SDK1: variants seen among roughly 807,000 people sequenced by gnomAD.
The protein encoded by SDK1 is protein sidekick-1.
A neutral mutation model predicts 245.5 loss-of-function variants in SDK1; 157 were observed. The observed-to-expected ratio is 0.64, with a 90% CI of 0.56 to 0.73. The LOEUF (loss-of-function observed/expected upper bound fraction) is 0.73, where lower values mean the gene tolerates loss of function less well. Among genes scored for constraint, SDK1 ranks in the 30% least tolerant of loss-of-function variants. The probability of loss-of-function intolerance (pLI) is 0.00; values close to 1 mark genes in which losing one functional copy is unlikely to be tolerated. For missense variants in SDK1, 3,583 were observed against 3,002.3 expected, an observed-to-expected ratio of 1.19 and a Z score of -4.52; for synonymous variants, 1,647 against 1,278.5, an observed-to-expected ratio of 1.29 and a Z score of -6.15.
chr7:4,268,527 C>A lies in SDK1; in HGVS notation c.*3143C>A. The stretch of plus-strand genomic sequence containing the variant: ...GAGAGGGGACCCAGATGGCCACACA[C>A]GGAACGCGCCTCCACAGCCCCGGGA... On this transcript the variant is annotated 3_prime_UTR_variant, in exon 45 of 45. Transcript: ENST00000404826. The A allele has an allele frequency of 8.1e-7, 1 of 1,235,598 alleles. No homozygotes were observed. The highest frequency in any genetic ancestry group is 1.0e-6 in the Non-Finnish European group (1 of 956,962). 76.5% of individuals were successfully genotyped at this position (1,235,598 alleles called of 1,614,324 possible).
intron 33 of SDK1, 59 bp downstream of exon 33, chr7:4,174,416 T>TCTG (rs1782057125): frequency 3.3e-6 from 5 of 1,537,720 alleles, no homozygotes; most frequent in Non-Finnish European, 4.5e-6. Context: ...ACCCTTGGTA[T>TCTG]CTGCTCAGTG....
intron 44 of SDK1, among the ~76,000 whole-genome samples, chr7:4,254,081 T>A (rs1196804197): frequency 6.6e-6 from 1 of 152,212 alleles, no homozygotes; most frequent in African/African-American, 2.4e-5. Flanking sequence ...CCTATAGCTG[T>A]ATTTCTTCCT....
intron 4 of SDK1, among the ~76,000 whole-genome samples, chr7:3,743,360 A>T (rs1444816636): frequency 6.6e-6 from 1 of 152,144 alleles, no homozygotes; most frequent in Non-Finnish European, 1.5e-5. Context: ...CAGATTTTTG[A>T]ACCCAAAACA....
At chr7:3,911,177 T>G (rs1455995998) in intron 5 of SDK1, among the ~76,000 whole-genome samples, 2 of 152,216 alleles carry the variant, frequency 1.3e-5, no homozygotes, top group Admixed American at 1.3e-4. Flanking sequence ...AAGGCACATG[T>G]GCTCACATGG....
intron 1 of SDK1, among the ~76,000 whole-genome samples, chr7:3,520,749 A>G (rs190997203): frequency 6.6e-6 from 1 of 152,190 alleles, no homozygotes; most frequent in Non-Finnish European, 1.5e-5. Context: ...TTTTACCAGC[A>G]TTTAAAGAAC....
At chr7:3,423,785 T>A (rs1299446876) in intron 1 of SDK1, among the ~76,000 whole-genome samples, 2 of 152,208 alleles carry the variant, frequency 1.3e-5, no homozygotes, top group Non-Finnish European at 2.9e-5. Context: ...TTGAAAATTA[T>A]AATTCAACCT....
chr7:3,620,501 CCA>C (rs1160109686), intron 2 of SDK1, among the ~76,000 whole-genome samples: 1 of 152,102 alleles, frequency 6.6e-6, no homozygotes. Context: ...TGGGGTTTCA[CCA>C]TGTTGACCAG....
intron 1 of SDK1, among the ~76,000 whole-genome samples, chr7:3,321,823 TCC>T (rs1779819901): frequency 3.2e-5 from 4 of 126,940 alleles, no homozygotes; most frequent in Non-Finnish European, 5.0e-5. Flanking sequence ...CTTCCTTCCT[TCC>T]TTCCTCCTTT....
chr7:3,556,161 A>G (rs1779581311), intron 1 of SDK1, among the ~76,000 whole-genome samples: 1 of 152,218 alleles, frequency 6.6e-6, no homozygotes, highest in Non-Finnish European at 1.5e-5. Context: ...ATTTGTAAGC[A>G]ACCTAAGTGT....
At chr7:4,005,573 A>G (rs1460896962) in intron 14 of SDK1, among the ~76,000 whole-genome samples, 1 of 152,100 alleles carries the variant, frequency 6.6e-6, no homozygotes, top group Admixed American at 6.6e-5. Context: ...AGCAGAAGTT[A>G]TTTAAACTTC....
intron 4 of SDK1, among the ~76,000 whole-genome samples, chr7:3,770,036 G>C (rs1367522416): frequency 6.6e-6 from 1 of 151,762 alleles, no homozygotes; most frequent in African/African-American, 2.4e-5. Flanking sequence ...TCCATTCATG[G>C]AGAATAGGTT....
intron 28 of SDK1, among the ~76,000 whole-genome samples, chr7:4,138,991 G>A (rs1021039823): frequency 6.6e-6 from 1 of 152,150 alleles, no homozygotes. Context: ...TACATTCAAG[G>A]GGTGCCCCCA....
At chr7:4,128,084 C>A (rs1784509452) in intron 26 of SDK1, among the ~76,000 whole-genome samples, 1 of 152,180 alleles carries the variant, frequency 6.6e-6, no homozygotes, top group Admixed American at 6.5e-5. Context: ...TTAAAACCCC[C>A]TTCTGTTCCT....
In SDK1 at chr7:3,479,382, A is replaced by G. The variant is rs139239436; in HGVS notation, c.299-139698A>G. ...GGTTGCAGTGAGCCGATATTGTGCC[A>G]CTGCACTCCAGCCTGGGTGACAGGG... is the stretch of plus-strand genomic sequence containing the variant. On this transcript the variant is annotated intron_variant, in intron 1 of 44. Coordinates refer to ENST00000404826, the MANE Select transcript of SDK1 (RefSeq NM_152744.4). Among the ~76,000 whole-genome samples, 261 of 138,024 alleles carry G rather than the reference A, an allele frequency of 1.9e-3. 6 individuals are homozygous for G. In the East Asian group the frequency reaches 0.037, roughly 20 times the overall value. 90.5% of individuals were successfully genotyped at this position (138,024 alleles called of 152,430 possible).
rs1017129647 is a variant in SDK1 at position 3,471,322 on chromosome 7, A to C, written c.299-147758A>C. Among the ~76,000 whole-genome samples the C allele has an allele frequency of 3.3e-5, 5 of 152,166 alleles. No individual in the cohort carries two copies. In the South Asian group the frequency reaches 6.2e-4, roughly 19 times the overall value. On this transcript the variant is annotated intron_variant, in intron 1 of 44. Transcript: ENST00000404826. ...AATGAGGAGATAAGTATGTAATTTT[A>C]CCATGATATAAAGCTGTGATTGTCA...
chr7:3,587,688 C>T lies in SDK1; in HGVS notation c.299-31392C>T, dbSNP rs183403480. Among the ~76,000 whole-genome samples the T allele has an allele frequency of 4.9e-3, 749 of 152,334 alleles. 6 individuals are homozygous for T. Among genetic ancestry groups the T allele is most frequent in the South Asian group, 0.018 (86 of 4,826 alleles). ...CAGATGCTGATCTTCTCCGGAAATA[C>T]CTTCACAGACACACCCAGGAATGAT... is the stretch of plus-strand genomic sequence containing the variant. On this transcript the variant is annotated intron_variant, in intron 1 of 44. Coordinates refer to ENST00000404826, the MANE Select transcript of SDK1 (RefSeq NM_152744.4).
intron 4 of SDK1, among the ~76,000 whole-genome samples, chr7:3,726,386 C>G (rs1346801525): frequency 6.6e-6 from 1 of 152,218 alleles, no homozygotes; most frequent in Non-Finnish European, 1.5e-5. Flanking sequence ...AAAGCAGTCA[C>G]TCGACTGTAA....
chr7:4,160,866 G>C (rs568531413), intron 31 of SDK1, among the ~76,000 whole-genome samples: 25 of 152,286 alleles, frequency 1.6e-4, no homozygotes, highest in Middle Eastern at 6.8e-3. Context: ...GGCTGAGGAG[G>C]GGGTGTCTGG....
chr7:3,443,975 A>G (rs973557848), intron 1 of SDK1, among the ~76,000 whole-genome samples: 1 of 152,236 alleles, frequency 6.6e-6, no homozygotes, highest in Non-Finnish European at 1.5e-5. Flanking sequence ...ATTTATTTCT[A>G]TCATATACAT....
Sources: allele counts gnomAD v4.1 joint callset (sites outside exome capture counted in the v4.1 genomes callset), GRCh38; gene constraint gnomAD v4.1.1; transcripts MANE v1.5; gene names NCBI Gene and HGNC (gene_info 2026-07-23, HGNC 2026-07-21).